Variants in NFIB observed in about 807,000 individuals in gnomAD.
The protein encoded by NFIB is nuclear factor 1 B-type.
In NFIB, 11 loss-of-function variants were observed where a neutral mutation model predicts 61.5. The ratio of observed to expected loss-of-function variants is 0.18; its 90% CI spans 0.11 to 0.30. NFIB has a LOEUF of 0.30. Among genes scored for constraint, NFIB ranks in the 10% least tolerant of loss-of-function variants. The probability of loss-of-function intolerance (pLI) is 1.00; values close to 1 mark genes in which losing one functional copy is unlikely to be tolerated. For synonymous variants in NFIB, 260 were observed against 216.5 expected, an observed-to-expected ratio of 1.20 and a Z score of -1.76; for missense variants, 471 against 608.9, an observed-to-expected ratio of 0.77 and a Z score of 2.38.
At chr9:14,495,445 AC>A in the NFIB span, among the ~76,000 whole-genome samples, 2 of 98,094 alleles carry the variant, frequency 2.0e-5, no homozygotes, top group African/African-American at 5.4e-5. Flanking sequence ...AGAGAAATGA[AC>A]TTTTTTTTTT....
chr9:14,090,139 A>G (rs2033640873), intron 10 of NFIB, among the ~76,000 whole-genome samples: 1 of 148,102 alleles, frequency 6.8e-6, no homozygotes, highest in South Asian at 2.1e-4. Context: ...TTGTGATTTG[A>G]TCCCCTATAA....
chr9:14,135,862 T>C (rs565920103), intron 6 of NFIB, among the ~76,000 whole-genome samples: 41 of 152,310 alleles, frequency 2.7e-4, no homozygotes, highest in African/African-American at 8.2e-4. Flanking sequence ...ATTCTTACTT[T>C]AATTACTGAG....
At position 14,088,046 on chromosome 9, in the gene NFIB, T is replaced by A. The variant is rs2033132241; in HGVS notation, c.*263A>T. On this transcript the variant is annotated 3_prime_UTR_variant, in exon 11 of 11. Transcript: ENST00000380953. ...ACAGTTTCAACCTTAAGGGAATTAG[T>A]GATTGTAAGTGCTGCAATTGCTGGT... The A allele has an allele frequency of 1.6e-6, 1 of 610,650 alleles. No homozygotes were observed. 37.8% of individuals were successfully genotyped at this position (610,650 alleles called of 1,614,324 possible).
chr9:14,507,983 CACACACACACAT>C, the NFIB span, among the ~76,000 whole-genome samples: 2 of 130,176 alleles, frequency 1.5e-5, no homozygotes, highest in East Asian at 2.6e-4. Flanking sequence ...CACACACACA[CACACACACACAT>C]ATATATATAT....
chr9:14,190,354 G>C (rs1181800059), intron 2 of NFIB, among the ~76,000 whole-genome samples: 1 of 152,150 alleles, frequency 6.6e-6, no homozygotes. Flanking sequence ...TTCTACAAAG[G>C]TAAAGTAGAT....
chr9:14,344,411 A>AG (rs71321981), intron 1 of NFIB, among the ~76,000 whole-genome samples: 16,637 of 145,748 alleles, frequency 0.11, 1,300 homozygotes, highest in African/African-American at 0.22. Context: ...TTGTCTCAGA[A>AG]GGGGGGGGTA....
intron 2 of NFIB, among the ~76,000 whole-genome samples, chr9:14,290,445 T>G (rs1273634265): frequency 3.9e-5 from 6 of 152,006 alleles, no homozygotes; most frequent in Non-Finnish European, 7.4e-5. Context: ...ACTTCACAAG[T>G]ATTTTCTCAG....
the NFIB span, among the ~76,000 whole-genome samples, chr9:14,525,574 T>C: frequency 3.3e-5 from 5 of 152,262 alleles, no homozygotes; most frequent in Admixed American, 6.5e-5. Context: ...TCCGTAGTCA[T>C]TGGTTTCTTT....
At position 14,084,671 on chromosome 9, in the gene NFIB, G is replaced by C. The variant is rs2032563061; in HGVS notation, c.*3638C>G. 1.3e-5 allele frequency: 3 copies of C among 230,288 alleles called. No individual in the cohort carries two copies. Among genetic ancestry groups the C allele is most frequent in the Non-Finnish European group, 1.7e-5 (2 of 116,144 alleles). The allele number at this position is 230,288 out of a possible 1,614,324, so 14.3% of individuals were successfully genotyped here. ...GACACCACTCCCTACTCATGCCCTT[G>C]GGTGACCTTCGCCATCCTGAAGCTC... On this transcript the variant is annotated 3_prime_UTR_variant, in exon 11 of 11. Transcript: ENST00000380953.
the NFIB span, among the ~76,000 whole-genome samples, chr9:14,420,694 G>T: frequency 6.6e-6 from 1 of 151,976 alleles, no homozygotes; most frequent in Non-Finnish European, 1.5e-5. Flanking sequence ...CAGAAAACCC[G>T]CAAAGTGGAT....
the NFIB span, among the ~76,000 whole-genome samples, chr9:14,442,179 C>G: frequency 6.6e-6 from 1 of 152,002 alleles, no homozygotes; most frequent in Non-Finnish European, 1.5e-5. Context: ...TAATCACCAC[C>G]CTCTCCTAAT....
intron 5 of NFIB, among the ~76,000 whole-genome samples, chr9:14,149,018 A>G (rs2042584568): frequency 6.6e-6 from 1 of 152,230 alleles, no homozygotes; most frequent in South Asian, 2.1e-4. Flanking sequence ...TATCTTATAT[A>G]AAGTAGTCAG....
At chr9:14,515,103 C>A in the NFIB span, among the ~76,000 whole-genome samples, 1 of 151,934 alleles carries the variant, frequency 6.6e-6, no homozygotes, top group Admixed American at 6.6e-5. Flanking sequence ...GAATTGGGGG[C>A]TGGGATGGCG....
intron 2 of NFIB, chr9:14,204,447 G>A (rs1248757274): frequency 2.8e-6 from 3 of 1,085,376 alleles, no homozygotes; most frequent in Non-Finnish European, 4.2e-6. Flanking sequence ...CAGCGGCAGA[G>A]AGTCATCCTC....
intron 1 of NFIB, among the ~76,000 whole-genome samples, chr9:14,382,874 G>T (rs2061504828): frequency 1.3e-5 from 2 of 152,124 alleles, no homozygotes; most frequent in African/African-American, 4.8e-5. Flanking sequence ...AATAAAGCAA[G>T]GGATGGTAGA....
chr9:14,121,926 T>G (rs2038992191), intron 7 of NFIB, among the ~76,000 whole-genome samples: 1 of 152,032 alleles, frequency 6.6e-6, no homozygotes, highest in African/African-American at 2.4e-5. Flanking sequence ...AATCGTATGA[T>G]CATTATCTCT....
In NFIB at chr9:14,185,188, T is replaced by G. The variant is rs533859170; in HGVS notation, c.563-5408A>C. Reference sequence around the variant, plus strand: ...AAATCAAGAGGGGACAGATGATTCTTCCTAGGAAAGGTGGGCAAGGGCATA... The same window carrying G: ...AAATCAAGAGGGGACAGATGATTCTGCCTAGGAAAGGTGGGCAAGGGCATA... On this transcript the variant is annotated intron_variant, in intron 2 of 10. Transcript: ENST00000380953. 4.7e-4 allele frequency among the ~76,000 whole-genome samples: 71 copies of G among 152,278 alleles called. 1 individual carries two copies. The highest frequency in any genetic ancestry group is 1.5e-3 in the African/African-American group (63 of 41,544).
At chr9:14,282,254 A>G (rs1039885819) in intron 2 of NFIB, among the ~76,000 whole-genome samples, 1 of 152,192 alleles carries the variant, frequency 6.6e-6, no homozygotes, top group African/African-American at 2.4e-5. Flanking sequence ...GAAATGCTGC[A>G]TTCATTTCTT....
chr9:14,278,323 T>G (rs938463004), intron 2 of NFIB, among the ~76,000 whole-genome samples: 3 of 152,202 alleles, frequency 2.0e-5, no homozygotes, highest in African/African-American at 7.2e-5. Context: ...ATGTTGACAG[T>G]GGTCCATTGT....
Sources: gnomAD v4.1 joint callset for allele counts (sites outside exome capture counted in the v4.1 genomes callset) on GRCh38, gnomAD v4.1.1 for gene constraint, MANE v1.5 for transcripts, NCBI Gene and HGNC (gene_info 2026-07-23, HGNC 2026-07-21) for gene names.